Variants in ZFHX3 observed in about 807,000 individuals in gnomAD.
The protein encoded by ZFHX3 is zinc finger homeobox protein 3.
ZFHX3 carries 42 observed loss-of-function variants against 279.1 expected under a neutral mutation model. The ratio of observed to expected loss-of-function variants is 0.15; its 90% confidence interval spans 0.12 to 0.19. ZFHX3 has a LOEUF of 0.19. Ranked by LOEUF, ZFHX3 falls within the 10% of genes least tolerant of loss-of-function variation. ZFHX3 has a pLI of 1.00. For synonymous variants in ZFHX3, 2,293 were observed against 1,957.8 expected, an observed-to-expected ratio of 1.17 and a Z score of -4.52; for missense variants, 4,981 against 4,754.0, an observed-to-expected ratio of 1.05 and a Z score of -1.40.
chr16:73,077,894 T>C (rs556513881), intron 8 of ZFHX3, among the ~76,000 whole-genome samples: 1 of 152,326 alleles, frequency 6.6e-6, no homozygotes, highest in African/African-American at 2.4e-5. Flanking sequence ...AACCTCTGCC[T>C]CCTGGGTTCA....
At chr16:73,837,799 G>A (rs372903439) in intron 1 of ZFHX3, among the ~76,000 whole-genome samples, 67 of 152,260 alleles carry the variant, frequency 4.4e-4, no homozygotes, top group East Asian at 3.5e-3. Flanking sequence ...ACCACGCCCG[G>A]CTAATTTGGT....
At chr16:73,571,458 G>T (rs1431742857) in intron 2 of ZFHX3, among the ~76,000 whole-genome samples, 1 of 152,118 alleles carries the variant, frequency 6.6e-6, no homozygotes, top group Non-Finnish European at 1.5e-5. Context: ...CAGGCTAAAT[G>T]ATTAAACTCT....
intron 5 of ZFHX3, among the ~76,000 whole-genome samples, chr16:73,249,800 G>A (rs1284522494): frequency 6.7e-6 from 1 of 149,118 alleles, no homozygotes; most frequent in African/African-American, 2.5e-5. Context: ...AAAGAAAAAT[G>A]GGCAAATGAA....
chr16:73,294,766 C>T (rs897207801), intron 4 of ZFHX3, among the ~76,000 whole-genome samples: 3 of 150,198 alleles, frequency 2.0e-5, no homozygotes, highest in African/African-American at 7.4e-5. Flanking sequence ...GAGCCAAGAC[C>T]GTACCACTGC....
At chr16:73,225,266 C>T (rs913388809) in intron 5 of ZFHX3, among the ~76,000 whole-genome samples, 1 of 151,948 alleles carries the variant, frequency 6.6e-6, no homozygotes, top group African/African-American at 2.4e-5. Context: ...AGAGAGTAAA[C>T]ATTTGAGGCT....
At position 72,878,264 on chromosome 16, in the gene ZFHX3, T is replaced by C. The variant is rs1428518052; in HGVS notation, c.3448+11467A>G. ...GCTGACATCTACTACAAAATTCCCATTATTGCCATAAAAACATGTGGGCTG... is the reference window on the plus strand; with the variant it reads ...GCTGACATCTACTACAAAATTCCCACTATTGCCATAAAAACATGTGGGCTG... On this transcript the variant is annotated intron_variant, in intron 4 of 9. Transcript: ENST00000268489. 3.3e-5 allele frequency among the ~76,000 whole-genome samples: 5 copies of C among 152,202 alleles called. No homozygotes were observed. In the East Asian group the frequency reaches 9.6e-4, roughly 29 times the overall value.
At chr16:73,861,137 T>C (rs974253281) in intron 1 of ZFHX3, among the ~76,000 whole-genome samples, 13 of 152,024 alleles carry the variant, frequency 8.6e-5, no homozygotes, top group African/African-American at 3.1e-4. Context: ...ATGGTTTTTT[T>C]TGTATTTTTG....
intron 1 of ZFHX3, among the ~76,000 whole-genome samples, chr16:73,844,266 G>C (rs1019158468): frequency 6.6e-6 from 1 of 152,210 alleles, no homozygotes; most frequent in African/African-American, 2.4e-5. Context: ...CCAGGTCCCA[G>C]ATATGATGAA....
At chr16:72,835,103 C>A (rs2037157174) in intron 4 of ZFHX3, among the ~76,000 whole-genome samples, 2 of 152,252 alleles carry the variant, frequency 1.3e-5, no homozygotes, top group Middle Eastern at 6.8e-3. Context: ...ATACACCAAT[C>A]TGTGATCCCC....
intron 1 of ZFHX3, among the ~76,000 whole-genome samples, chr16:73,731,412 T>G (rs1467534847): frequency 6.6e-6 from 1 of 151,736 alleles, no homozygotes; most frequent in Non-Finnish European, 1.5e-5. Flanking sequence ...GACAGAAAAA[T>G]CTTTTGTAAA....
chr16:73,353,717 T>A (rs1450078935), intron 3 of ZFHX3, among the ~76,000 whole-genome samples: 2 of 151,754 alleles, frequency 1.3e-5, no homozygotes, highest in Non-Finnish European at 2.9e-5. Context: ...ATAGACCCAG[T>A]GTGCGGTGAA....
chr16:73,426,145 G>T (rs2017806669), intron 3 of ZFHX3, among the ~76,000 whole-genome samples: 1 of 152,194 alleles, frequency 6.6e-6, no homozygotes, highest in Non-Finnish European at 1.5e-5. Flanking sequence ...CAGCCTGGTT[G>T]TGATGGCCAG....
At chr16:73,334,810 C>CCTTTTTTTTTTTTTTTTTTTTTTT (rs1555510772) in intron 3 of ZFHX3, among the ~76,000 whole-genome samples, 1 of 57,858 alleles carries the variant, frequency 1.7e-5, no homozygotes, top group African/African-American at 5.8e-5. Flanking sequence ...CTTTCTCATT[C>CCTTTTTTTTTTTTTTTTTTTTTTT]TTTTTTTTTT....
intron 1 of ZFHX3, among the ~76,000 whole-genome samples, chr16:73,793,491 G>T (rs965255603): frequency 6.6e-6 from 1 of 152,198 alleles, no homozygotes; most frequent in Non-Finnish European, 1.5e-5. Flanking sequence ...TATCTCCAAC[G>T]AAAATATGCT....
At chr16:73,513,820 T>G (rs1341755215) in intron 2 of ZFHX3, among the ~76,000 whole-genome samples, 1 of 152,110 alleles carries the variant, frequency 6.6e-6, no homozygotes, top group African/African-American at 2.4e-5. Context: ...CTTTGTCTCA[T>G]GCCCACCACA....
intron 1 of ZFHX3, among the ~76,000 whole-genome samples, chr16:72,977,656 T>C (rs1463877024): frequency 2.0e-5 from 3 of 151,772 alleles, no homozygotes; most frequent in African/African-American, 7.3e-5. Flanking sequence ...ATTCACTTGG[T>C]GTCTACCTGC....
chr16:72,875,606 G>A (rs544355719), intron 4 of ZFHX3, among the ~76,000 whole-genome samples: 6 of 152,238 alleles, frequency 3.9e-5, no homozygotes, highest in South Asian at 2.1e-4. Flanking sequence ...AAACCATTCC[G>A]CCCATAAAAA....
intron 2 of ZFHX3, among the ~76,000 whole-genome samples, chr16:73,624,968 C>T (rs1446450953): frequency 2.0e-5 from 3 of 152,222 alleles, no homozygotes; most frequent in Non-Finnish European, 4.4e-5. Flanking sequence ...CTGATGGTCC[C>T]ATTTTCATGG....
At chr16:73,856,399 T>C (rs1367628426) in intron 1 of ZFHX3, among the ~76,000 whole-genome samples, 1 of 152,178 alleles carries the variant, frequency 6.6e-6, no homozygotes, top group Non-Finnish European at 1.5e-5. Context: ...ACTTAACTCC[T>C]TTAAACAACA....
Sources: allele counts gnomAD v4.1 joint callset (sites outside exome capture counted in the v4.1 genomes callset), GRCh38; gene constraint gnomAD v4.1.1; transcripts MANE v1.5; gene names NCBI Gene and HGNC (gene_info 2026-07-23, HGNC 2026-07-21).